Variants in PLPPR5 observed in about 807,000 individuals in gnomAD.
PLPPR5 encodes phospholipid phosphatase related 5, also known as phospholipid phosphatase-related protein type 5.
In PLPPR5, 16 loss-of-function variants were observed where a neutral mutation model predicts 33.9. That is an observed-to-expected ratio of 0.47 (90% confidence interval 0.32 to 0.72). PLPPR5 has a LOEUF of 0.72. Ranked by LOEUF, PLPPR5 falls within the 30% of genes least tolerant of loss-of-function variation. The pLI, the probability that PLPPR5 is intolerant of heterozygous loss-of-function variation, is 0.03. For synonymous variants in PLPPR5, 163 were observed against 150.3 expected (o/e 1.08, Z -0.62); for missense variants, 301 against 406.7 (o/e 0.74, Z 2.23).
chr1:99,005,768 G>A (rs1455743497), upstream of PLPPR5, among the ~76,000 whole-genome samples: 1 of 152,154 alleles, frequency 6.6e-6, no homozygotes, highest in Admixed American at 6.5e-5. Flanking sequence ...ACCAATGCTG[G>A]CTCACAGCAC....
At chr1:98,914,443 T>C (rs113237693) in intron 5 of PLPPR5, among the ~76,000 whole-genome samples, 2,680 of 152,060 alleles carry the variant, frequency 0.018, 84 homozygotes, top group African/African-American at 0.061. Context: ...TGCCACCACG[T>C]CCAGCTAATT....
rs76693091 is a variant in PLPPR5 at position 98,979,891 on chromosome 1, C to G, written c.238-23150G>C. On this transcript the variant is annotated intron_variant, in intron 1 of 5. Transcript: ENST00000263177. Reference sequence around the variant, plus strand: ...ATGCTCTGCCTTGCCTCTCAGCATCCTGGTTCCAGGCTGCCCTCATATCCG... The same window carrying G: ...ATGCTCTGCCTTGCCTCTCAGCATCGTGGTTCCAGGCTGCCCTCATATCCG... Among the ~76,000 whole-genome samples the G allele has an allele frequency of 7.2e-3, 1,103 of 152,196 alleles. 17 individuals are homozygous for G. Among genetic ancestry groups the G allele is most frequent in the African/African-American group, 0.025 (1,051 of 41,538 alleles).
Position 98,996,332 on chromosome 1 carries a change from A to G in PLPPR5, c.237+8103T>C, listed in dbSNP as rs190469553. Among the ~76,000 whole-genome samples, 286 of 152,194 alleles carry G rather than the reference A, an allele frequency of 1.9e-3. 2 individuals are homozygous for G. The highest frequency in any genetic ancestry group is 0.013 in the South Asian group (62 of 4,824). ...ACTCTTACATGTTGTATCAGTGAGA[A>G]AATCCCATAATAAATTATCTACAGA... On this transcript the variant is annotated intron_variant, in intron 1 of 5. Coordinates refer to ENST00000263177, the MANE Select transcript of PLPPR5 (RefSeq NM_001037317.2).
At chr1:98,987,638 ACT>A (rs140393177) in intron 1 of PLPPR5, among the ~76,000 whole-genome samples, 3,363 of 151,926 alleles carry the variant, frequency 0.022, 58 homozygotes, top group Middle Eastern at 0.054. Flanking sequence ...CATGGAAAAG[ACT>A]CTGACAAATA....
Position 98,974,124 on chromosome 1 carries a change from A to C in PLPPR5, c.238-17383T>G, listed in dbSNP as rs139143237. 3.7e-4 allele frequency among the ~76,000 whole-genome samples: 56 copies of C among 152,128 alleles called. 2 individuals are homozygous for C. The highest frequency in any genetic ancestry group is 1.3e-3 in the African/African-American group (54 of 41,536). ...CAAAGTCCATTTTTAGATCACTTAC[A>C]CTTGGGGAGTGGGCAATAAAGAGAA... On this transcript the variant is annotated intron_variant, in intron 1 of 5. Coordinates refer to ENST00000263177, the MANE Select transcript of PLPPR5 (RefSeq NM_001037317.2).
intron 1 of PLPPR5, among the ~76,000 whole-genome samples, chr1:98,998,184 G>C (rs1408555170): frequency 1.3e-5 from 2 of 152,084 alleles, no homozygotes; most frequent in African/African-American, 4.8e-5. Context: ...GTATCTAAGT[G>C]AACCAAAATC....
chr1:98,891,967 T>G lies in PLPPR5; in HGVS notation c.*1105A>C, dbSNP rs2101126850. 6.6e-6 allele frequency: 1 copy of G among 152,232 alleles called. No homozygotes were observed. The highest frequency in any genetic ancestry group is 1.9e-4 in the East Asian group (1 of 5,182). 9.4% of individuals were successfully genotyped at this position (152,232 alleles called of 1,614,324 possible). On this transcript the variant is annotated 3_prime_UTR_variant, in exon 6 of 6. Transcript: ENST00000263177. ...TTGTGATTTGGCATGTTATTTACCCTGTCTTGGCTTCATTTTTCTTATCTA... is the reference window on the plus strand; with the variant it reads ...TTGTGATTTGGCATGTTATTTACCCGGTCTTGGCTTCATTTTTCTTATCTA...
chr1:98,976,527 C>A (rs1404766232), intron 1 of PLPPR5, among the ~76,000 whole-genome samples: 2 of 151,824 alleles, frequency 1.3e-5, no homozygotes, highest in Non-Finnish European at 2.9e-5. Context: ...AGGAAACCAC[C>A]AAGTTTCTTT....
At chr1:98,921,210 A>G (rs1043793004) in intron 4 of PLPPR5, among the ~76,000 whole-genome samples, 2 of 152,252 alleles carry the variant, frequency 1.3e-5, no homozygotes, top group African/African-American at 2.4e-5. Context: ...AGATTTTATA[A>G]TAAGAGTATA....
intron 1 of PLPPR5, among the ~76,000 whole-genome samples, chr1:98,970,267 G>T (rs903988795): frequency 1.3e-5 from 2 of 152,056 alleles, no homozygotes; most frequent in African/African-American, 4.8e-5. Context: ...ATAAATGAAT[G>T]AGTCTTGGAA....
At chr1:98,946,682 G>T (rs1278896538) in intron 3 of PLPPR5, among the ~76,000 whole-genome samples, 2 of 152,070 alleles carry the variant, frequency 1.3e-5, no homozygotes, top group African/African-American at 4.8e-5. Context: ...TGGACATTGG[G>T]TGGGACTCAT....
chr1:99,004,314 T>C, intron 1 of PLPPR5, 121 bp downstream of exon 1: 1 of 846,344 alleles, frequency 1.2e-6, no homozygotes, highest in Non-Finnish European at 1.8e-6. Flanking sequence ...GGGCTGCCCA[T>C]AACTTGGAGG....
chr1:98,925,661 T>C (rs1649728087), intron 3 of PLPPR5, among the ~76,000 whole-genome samples: 3 of 150,640 alleles, frequency 2.0e-5, no homozygotes, highest in Admixed American at 1.3e-4. Flanking sequence ...CTATTATTAA[T>C]AATAAAACAA....
intron 3 of PLPPR5, among the ~76,000 whole-genome samples, chr1:98,928,534 A>C (rs897403577): frequency 4.1e-5 from 3 of 73,252 alleles, no homozygotes; most frequent in African/African-American, 1.2e-4. Flanking sequence ...AAAAACTATT[A>C]GAAAGTTTTA....
At chr1:98,930,062 G>C (rs1210548436) in intron 3 of PLPPR5, among the ~76,000 whole-genome samples, 3 of 152,006 alleles carry the variant, frequency 2.0e-5, no homozygotes, top group Non-Finnish European at 2.9e-5. Flanking sequence ...AGCAAGTAAG[G>C]AACTAAAATC....
chr1:98,979,967 G>C (rs1168182244), intron 1 of PLPPR5, among the ~76,000 whole-genome samples: 3 of 151,952 alleles, frequency 2.0e-5, no homozygotes. Context: ...CTCTATTAGA[G>C]CTATCTTTCT....
chr1:98,923,409 C>T (rs1283808097), intron 3 of PLPPR5, among the ~76,000 whole-genome samples: 1 of 152,086 alleles, frequency 6.6e-6, no homozygotes, highest in Non-Finnish European at 1.5e-5. Context: ...ACTATTGTCC[C>T]TGGTTAAATA....
intron 3 of PLPPR5, among the ~76,000 whole-genome samples, chr1:98,952,044 C>T (rs2101210358): frequency 6.6e-6 from 1 of 152,240 alleles, no homozygotes; most frequent in African/African-American, 2.4e-5. Flanking sequence ...GGGCAGATCA[C>T]TTGAGGTCTG....
At chr1:98,913,036 T>C (rs1320003876) in intron 5 of PLPPR5, among the ~76,000 whole-genome samples, 1 of 152,038 alleles carries the variant, frequency 6.6e-6, no homozygotes, top group Non-Finnish European at 1.5e-5. Flanking sequence ...TTTTCAGAGT[T>C]TTTTCTTCTT....
Sources: gnomAD v4.1 joint callset for allele counts (sites outside exome capture counted in the v4.1 genomes callset) on GRCh38, gnomAD v4.1.1 for gene constraint, MANE v1.5 for transcripts, NCBI Gene and HGNC (gene_info 2026-07-23, HGNC 2026-07-21) for gene names.